The following CSMD1 variants were observed in gnomAD, a reference collection of about 807,000 sequenced individuals.
CSMD1 encodes CUB and sushi domain-containing protein 1.
A neutral mutation model predicts 417.5 loss-of-function variants in CSMD1; 213 were observed. The ratio of observed to expected loss-of-function variants is 0.51; its 90% CI spans 0.46 to 0.57. The LOEUF is 0.57. CSMD1 is among the 20% of genes least tolerant of loss of function. The pLI is 0.00. For synonymous variants in CSMD1, 2,862 were observed against 1,736.8 expected, an observed-to-expected ratio of 1.65 and a Z score of -16.11; for missense variants, 6,923 against 4,529.7, an observed-to-expected ratio of 1.53 and a Z score of -15.17.
At chr8:4,445,808 C>G (rs536746332) in intron 2 of CSMD1, among the ~76,000 whole-genome samples, 1 of 152,158 alleles carries the variant, frequency 6.6e-6, no homozygotes, top group Non-Finnish European at 1.5e-5. Flanking sequence ...AGATGATTAA[C>G]GAGAATGTTT....
In CSMD1 at chr8:3,264,901, C is replaced by G. The variant is rs142161348; in HGVS notation, c.4153+19243G>C. On this transcript the variant is annotated intron_variant, in intron 26 of 69. Coordinates refer to ENST00000635120, the MANE Select transcript of CSMD1 (RefSeq NM_033225.6). ...TGTGTGTGTATACATTTTTCTTGTA[C>G]TCAGTGTCAGAATTGCTAACATCGG... Among the ~76,000 whole-genome samples the G allele has an allele frequency of 3.3e-3, 499 of 152,074 alleles. 3 individuals are homozygous for G. The highest frequency in any genetic ancestry group is 0.017 in the Middle Eastern group (5 of 294).
At chr8:3,568,834 G>T (rs954316964) in intron 10 of CSMD1, among the ~76,000 whole-genome samples, 8 of 151,768 alleles carry the variant, frequency 5.3e-5, no homozygotes, top group African/African-American at 1.9e-4. Context: ...AAGACCCTGG[G>T]GATAAACTTT....
intron 1 of CSMD1, among the ~76,000 whole-genome samples, chr8:4,868,077 G>T (rs1009315218): frequency 6.6e-6 from 1 of 151,928 alleles, no homozygotes; most frequent in Non-Finnish European, 1.5e-5. Context: ...TTATTTACTG[G>T]AAAAAGCAAT....
Position 3,677,658 on chromosome 8 carries a change from T to A in CSMD1, c.1009+30756A>T, listed in dbSNP as rs537464126. On this transcript the variant is annotated intron_variant, in intron 7 of 69. Transcript: ENST00000635120. ...ACCTCCAGCTATTGACATGAAAAGA[T>A]ATCTATCCTTTAGGGCTCTTTGGCC... Among the ~76,000 whole-genome samples, 3 of 152,280 alleles carry A rather than the reference T, an allele frequency of 2.0e-5. No homozygotes were observed. The South Asian group carries it at 6.2e-4, about 32-fold the overall frequency.
At chr8:4,508,794 G>C (rs1802667236) in intron 2 of CSMD1, among the ~76,000 whole-genome samples, 1 of 152,100 alleles carries the variant, frequency 6.6e-6, no homozygotes, top group Non-Finnish European at 1.5e-5. Flanking sequence ...AAAACAGCCA[G>C]TCATAATATG....
At chr8:3,918,354 A>G (rs772954866) in intron 5 of CSMD1, among the ~76,000 whole-genome samples, 116 of 152,212 alleles carry the variant, frequency 7.6e-4, no homozygotes, top group Non-Finnish European at 1.4e-3. Flanking sequence ...CCACGTCCGC[A>G]TCAACACATA....
chr8:4,738,684 G>C lies in CSMD1; in HGVS notation c.86-101126C>G, dbSNP rs117402416. On this transcript the variant is annotated intron_variant, in intron 1 of 69. Coordinates refer to ENST00000635120, the MANE Select transcript of CSMD1 (RefSeq NM_033225.6). Reference sequence around the variant, plus strand: ...TTTTTTGACAAAGTAAAAAAAATCAGTATATTATATAAATTTTCATTGATA... The same window carrying C: ...TTTTTTGACAAAGTAAAAAAAATCACTATATTATATAAATTTTCATTGATA... Among the ~76,000 whole-genome samples the C allele has an allele frequency of 6.6e-3, 1,003 of 152,134 alleles. 6 individuals are homozygous for C. Among genetic ancestry groups the C allele is most frequent in the Non-Finnish European group, 8.2e-3 (558 of 67,992 alleles).
At chr8:3,297,467 G>C (rs913280294) in intron 25 of CSMD1, among the ~76,000 whole-genome samples, 2 of 152,164 alleles carry the variant, frequency 1.3e-5, no homozygotes, top group South Asian at 2.1e-4. Flanking sequence ...TACTAGATAA[G>C]CAAATAGATA....
At chr8:4,377,128 C>A (rs937754768) in intron 3 of CSMD1, among the ~76,000 whole-genome samples, 7 of 152,262 alleles carry the variant, frequency 4.6e-5, no homozygotes, top group African/African-American at 1.7e-4. Flanking sequence ...GCCATTTCTC[C>A]TTTATTTTTC....
Position 4,070,504 on chromosome 8 carries a change from C to T in CSMD1, c.416-38405G>A, listed in dbSNP as rs577995816. ...TCCCGAGTAGCTGGGACTACAGGCG[C>T]CCGCCACCACGGCCGGCTATTTTTT... On this transcript the variant is annotated intron_variant, in intron 3 of 69. Transcript: ENST00000635120. Among the ~76,000 whole-genome samples, 848 of 152,172 alleles carry T rather than the reference C, an allele frequency of 5.6e-3. 8 individuals carry two copies. Among genetic ancestry groups the T allele is most frequent in the African/African-American group, 0.019 (803 of 41,548 alleles).
chr8:3,931,632 G>A (rs1396472013), intron 5 of CSMD1, among the ~76,000 whole-genome samples: 2 of 149,666 alleles, frequency 1.3e-5, no homozygotes, highest in East Asian at 2.0e-4. Context: ...AGAGAAAAGT[G>A]CCTCAGGATG....
chr8:3,634,188 T>C (rs1025524860), intron 7 of CSMD1, among the ~76,000 whole-genome samples: 1 of 152,178 alleles, frequency 6.6e-6, no homozygotes, highest in Non-Finnish European at 1.5e-5. Context: ...TTCGTTTACC[T>C]GGGGACCTTA....
At chr8:3,017,651 G>A (rs1357093640) in intron 52 of CSMD1, among the ~76,000 whole-genome samples, 1 of 151,910 alleles carries the variant, frequency 6.6e-6, no homozygotes, top group Admixed American at 6.6e-5. Context: ...GGTTACTACT[G>A]TCCTTTCATC....
intron 49 of CSMD1, among the ~76,000 whole-genome samples, chr8:3,062,518 C>T (rs1222699523): frequency 6.7e-6 from 1 of 148,940 alleles, no homozygotes; most frequent in African/African-American, 2.5e-5. Flanking sequence ...TTTGCAGACA[C>T]TAAAGCAAAC....
intron 3 of CSMD1, among the ~76,000 whole-genome samples, chr8:4,342,803 C>G (rs569131668): frequency 6.6e-5 from 10 of 151,850 alleles, no homozygotes; most frequent in African/African-American, 1.9e-4. Flanking sequence ...AAAGGTGGTT[C>G]GTTCCTGCCA....
intron 6 of CSMD1, 37 bp from the exon 7 acceptor site, chr8:3,708,528 C>T: frequency 1.9e-6 from 3 of 1,573,176 alleles, no homozygotes; most frequent in African/African-American, 2.7e-5. Flanking sequence ...GCAGGTAAGA[C>T]TTGGAGATCA....
intron 2 of CSMD1, among the ~76,000 whole-genome samples, chr8:4,565,681 G>A (rs1231263556): frequency 6.7e-6 from 1 of 149,982 alleles, no homozygotes; most frequent in Non-Finnish European, 1.5e-5. Context: ...GTTGCAGTGA[G>A]CTGGGATTGT....
At chr8:3,876,141 C>T (rs1470130147) in intron 5 of CSMD1, among the ~76,000 whole-genome samples, 2 of 152,060 alleles carry the variant, frequency 1.3e-5, no homozygotes, top group African/African-American at 4.8e-5. Flanking sequence ...AGAAATTAAC[C>T]TCTGGAAACC....
At chr8:4,462,650 G>A (rs760128146) in intron 2 of CSMD1, among the ~76,000 whole-genome samples, 2 of 152,016 alleles carry the variant, frequency 1.3e-5, no homozygotes, top group African/African-American at 4.8e-5. Flanking sequence ...ATGGATTAAT[G>A]AAATAAAATT....
Sources: allele counts gnomAD v4.1 joint callset (sites outside exome capture counted in the v4.1 genomes callset), GRCh38; gene constraint gnomAD v4.1.1; transcripts MANE v1.5; gene names NCBI Gene and HGNC (gene_info 2026-07-23, HGNC 2026-07-21).